The following RNF135 variants were observed in gnomAD, a reference collection of about 807,000 sequenced individuals.
The protein encoded by RNF135 is ring finger protein 135.
RNF135 carries 46 observed loss-of-function variants against 41.9 expected under a neutral mutation model. That is an observed-to-expected ratio of 1.10 (90% CI 0.87 to 1.40). The LOEUF (loss-of-function observed/expected upper bound fraction) is 1.40, where lower values mean the gene tolerates loss of function less well. Among genes scored for constraint, RNF135 ranks in the 40% most tolerant of loss-of-function variants. The pLI is 0.00. For synonymous variants in RNF135, 238 were observed against 223.8 expected (o/e 1.06, Z -0.57); for missense variants, 539 against 549.8 (o/e 0.98, Z 0.20).
rs141533583 is a variant in RNF135 at position 30,988,000 on chromosome 17, C to T, written c.573C>T (p.Asp191=). The T allele has an allele frequency of 1.1e-3, 1,794 of 1,614,018 alleles. 3 individuals carry two copies. Among genetic ancestry groups the T allele is most frequent in the Middle Eastern group, 4.0e-3 (24 of 6,060 alleles). ...CTTCTCCAAAGCTGGTGACTTCCGACACAGCTGCAGGGAAAATCAGAGATA... is the reference window on the plus strand; with the variant it reads ...CTTCTCCAAAGCTGGTGACTTCCGATACAGCTGCAGGGAAAATCAGAGATA... ...SMASPKLVTS[D]TAAGKIRDIL... is the part of the protein sequence containing the mutation. Residue 191 remains aspartate, a synonymous_variant, in exon 3 of 5, where the codon GAC becomes GAT. Coordinates refer to ENST00000328381, the MANE Select transcript of RNF135 (RefSeq NM_032322.4).
upstream of RNF135, chr17:30,970,866 G>C (rs988564018): frequency 1.4e-6 from 1 of 702,348 alleles, no homozygotes; most frequent in Non-Finnish European, 2.3e-6. Flanking sequence ...GCCACTGAAG[G>C]TCAGCTCTGT....
chr17:30,959,831 C>A, the RNF135 span: 1 of 151,956 alleles, frequency 6.6e-6, no homozygotes, highest in Non-Finnish European at 1.5e-5. Flanking sequence ...GCCTGGGCGA[C>A]AAGAGGGAAA....
intron 1 of RNF135, chr17:30,975,925 T>C (rs1366488470): frequency 5.2e-6 from 3 of 576,942 alleles, no homozygotes; most frequent in Non-Finnish European, 9.7e-6. Flanking sequence ...ATTCTGACTC[T>C]TCTGCCTGTT....
At chr17:30,997,467 G>T (rs532891503) in intron 4 of RNF135, 136 bp downstream of exon 4, 2 of 782,110 alleles carry the variant, frequency 2.6e-6, no homozygotes, top group South Asian at 2.9e-5. Flanking sequence ...GTCCCTCCAC[G>T]GGGGGAGCTG....
upstream of RNF135, among the ~76,000 whole-genome samples, chr17:30,969,989 C>T (rs1905760540): frequency 6.6e-6 from 1 of 151,966 alleles, no homozygotes; most frequent in South Asian, 2.1e-4. Context: ...GTTGGCCAGG[C>T]TGGTCTTGAA....
intron 3 of RNF135, among the ~76,000 whole-genome samples, chr17:30,993,586 C>G (rs1908135038): frequency 6.6e-6 from 1 of 151,872 alleles, no homozygotes; most frequent in South Asian, 2.1e-4. Context: ...TGATATTGCT[C>G]TGCTTAAAAT....
intron 2 of RNF135, among the ~76,000 whole-genome samples, chr17:30,985,919 A>G (rs1907548049): frequency 6.6e-6 from 1 of 152,126 alleles, no homozygotes; most frequent in Admixed American, 6.6e-5. Context: ...ACGTCTTCCC[A>G]CTACAGGGCA....
intron 3 of RNF135, among the ~76,000 whole-genome samples, chr17:30,988,357 G>A (rs1419317006): frequency 6.6e-6 from 1 of 151,434 alleles, no homozygotes; most frequent in African/African-American, 2.4e-5. Flanking sequence ...CATGCACACA[G>A]GTCCTTACTG....
the RNF135 span, among the ~76,000 whole-genome samples, chr17:30,960,049 C>A: frequency 6.6e-6 from 1 of 150,978 alleles, no homozygotes; most frequent in South Asian, 2.1e-4. Context: ...TATTAGCGTT[C>A]TCCAGAGAAA....
chr17:30,999,037 T>C lies in RNF135; in HGVS notation c.1145T>C (p.Leu382Pro), dbSNP rs1908567182. 6.2e-7 allele frequency: 1 copy of C among 1,614,190 alleles called. No homozygotes were observed. Among genetic ancestry groups the C allele is most frequent in the South Asian group, 1.1e-5 (1 of 91,082 alleles). Residue 382 changes from leucine (L) to proline (P), a missense_variant, in exon 5 of 5, where the codon CTT becomes CCT. Leu to Pro is a moderately conservative substitution (Grantham distance 98). This residue lies in a region of RNF135 where 262 missense variants were observed against 336.9 expected (regional missense o/e 0.78). Transcript: ENST00000328381. Reference protein sequence around the residue: ...RPGVVGIWLNLEEGKLAFYSV... With the variant: ...RPGVVGIWLNPEEGKLAFYSV... ...GGGGTGGTGGGCATCTGGCTGAACC[T>C]TGAGGAGGGAAAGCTTGCCTTCTAT...
upstream of RNF135, among the ~76,000 whole-genome samples, chr17:30,968,386 CTTTT>C (rs550082363): frequency 1.8e-4 from 26 of 143,608 alleles, no homozygotes; most frequent in Admixed American, 1.7e-3. Flanking sequence ...TTCTTTCTTT[CTTTT>C]TTTTTTTTCT....
At chr17:30,975,867 A>G in intron 1 of RNF135, 1 of 767,000 alleles carries the variant, frequency 1.3e-6, no homozygotes, top group South Asian at 1.5e-5. Context: ...CCTAACGTAT[A>G]TGGCTTCTAC....
chr17:30,966,304 G>T (rs1467897302), upstream of RNF135, among the ~76,000 whole-genome samples: 2 of 151,664 alleles, frequency 1.3e-5, no homozygotes, highest in African/African-American at 4.8e-5. Context: ...CCCAGAAAAT[G>T]AGAAAGTGAA....
chr17:30,996,088 CTTT>C (rs914464333), intron 3 of RNF135, among the ~76,000 whole-genome samples: 4 of 112,848 alleles, frequency 3.5e-5, no homozygotes, highest in Admixed American at 9.0e-5. Flanking sequence ...GAATTCATTA[CTTT>C]TTTTTTTTTT....
At position 30,994,659 on chromosome 17, in the gene RNF135, G is replaced by A. The variant is rs551204584; in HGVS notation, c.680-2583G>A. ...ATTTTATTTTTTTTTTTGAGACAGA[G>A]TTTCACTCTTGTTGCCCAGGCTGGA... On this transcript the variant is annotated intron_variant, in intron 3 of 4. Coordinates refer to ENST00000328381, the MANE Select transcript of RNF135 (RefSeq NM_032322.4). 2.0e-5 allele frequency among the ~76,000 whole-genome samples: 3 copies of A among 150,864 alleles called. No individual in the cohort carries two copies. In the East Asian group the frequency reaches 5.9e-4, roughly 30 times the overall value.
At position 30,978,054 on chromosome 17, in the gene RNF135, G is replaced by A. The variant is rs536337515; in HGVS notation, c.373-6563G>A. 2.6e-4 allele frequency among the ~76,000 whole-genome samples: 40 copies of A among 152,254 alleles called. 1 individual carries two copies. The highest frequency in any genetic ancestry group is 8.7e-4 in the African/African-American group (36 of 41,554). On this transcript the variant is annotated intron_variant, in intron 1 of 4. Coordinates refer to ENST00000328381, the MANE Select transcript of RNF135 (RefSeq NM_032322.4). ...TCCTTCAGCACTTTACATATGTCAT[G>A]GCACTTTCTCCTGGCCTATAAGGTT...
intron 1 of RNF135, chr17:30,980,045 AC>A (rs1471097139): frequency 2.5e-5 from 2 of 80,556 alleles, no homozygotes; most frequent in African/African-American, 1.2e-4. Context: ...CTGACCCCCC[AC>A]CTCCCTCCCG....
intron 1 of RNF135, among the ~76,000 whole-genome samples, chr17:30,974,157 T>C (rs1034410664): frequency 5.3e-5 from 8 of 152,218 alleles, no homozygotes; most frequent in African/African-American, 1.9e-4. Flanking sequence ...TGAGCCGTGA[T>C]TGTACCACTG....
At chr17:30,985,206 G>A (rs569442849) in intron 2 of RNF135, among the ~76,000 whole-genome samples, 111 of 152,256 alleles carry the variant, frequency 7.3e-4, no homozygotes, top group African/African-American at 2.5e-3. Context: ...TTAAATGCTG[G>A]AGTTCCTCAA....
Sources: gnomAD v4.1 joint callset for allele counts (sites outside exome capture counted in the v4.1 genomes callset) on GRCh38, gnomAD v4.1.1 for gene constraint, gnomAD v4.1.1 regional missense constraint, MANE v1.5 for transcripts, NCBI Gene and HGNC (gene_info 2026-07-23, HGNC 2026-07-21) for gene names.